The following AKAP19 variants were observed in gnomAD, a reference collection of about 807,000 sequenced individuals.
AKAP19 encodes A-kinase anchoring protein 19.
At chr2:190,171,233 T>TAA in the AKAP19 span, among the ~76,000 whole-genome samples, 1,523 of 147,152 alleles carry the variant, frequency 0.01, 23 homozygotes, top group African/African-American at 0.036. Context: ...GAAAAAAAGT[T>TAA]AAAAAAAAAA....
chr2:189,943,049 G>A, the AKAP19 span, among the ~76,000 whole-genome samples: 3 of 152,230 alleles, frequency 2.0e-5, no homozygotes, highest in Non-Finnish European at 4.4e-5. Context: ...CAAGCAGGCT[G>A]TGGAGCAACC....
chr2:190,074,005 G>C, the AKAP19 span, among the ~76,000 whole-genome samples: 2 of 150,250 alleles, frequency 1.3e-5, no homozygotes, highest in Non-Finnish European at 2.9e-5. Flanking sequence ...TTGTGCCACT[G>C]CACTTCAGCC....
At chr2:190,014,187 G>C in the AKAP19 span, among the ~76,000 whole-genome samples, 1 of 152,042 alleles carries the variant, frequency 6.6e-6, no homozygotes, top group Non-Finnish European at 1.5e-5. Flanking sequence ...TCCATTGGTT[G>C]TTGTATTAGT....
At chr2:190,196,012 T>C in the AKAP19 span, among the ~76,000 whole-genome samples, 1 of 149,800 alleles carries the variant, frequency 6.7e-6, no homozygotes, top group Non-Finnish European at 1.5e-5. Flanking sequence ...AGACTATGTA[T>C]GTGTGGTTTG....
the AKAP19 span, among the ~76,000 whole-genome samples, chr2:190,072,088 A>T: frequency 4.6e-5 from 7 of 152,232 alleles, no homozygotes; most frequent in African/African-American, 1.2e-4. Context: ...ATAAAAAAGA[A>T]CGAAATCATG....
the AKAP19 span, among the ~76,000 whole-genome samples, chr2:190,018,831 G>C: frequency 6.6e-6 from 1 of 152,114 alleles, no homozygotes; most frequent in Non-Finnish European, 1.5e-5. Flanking sequence ...ATTCTGGATG[G>C]GCCAGCTGAT....
chr2:190,066,801 A>G, the AKAP19 span, among the ~76,000 whole-genome samples: 1 of 152,182 alleles, frequency 6.6e-6, no homozygotes, highest in Non-Finnish European at 1.5e-5. Flanking sequence ...CAAACCCTTC[A>G]TTTATAAATG....
chr2:190,051,893 A>G, the AKAP19 span, among the ~76,000 whole-genome samples: 1 of 151,064 alleles, frequency 6.6e-6, no homozygotes, highest in African/African-American at 2.4e-5. Flanking sequence ...GCTGGAGTGC[A>G]GTGGCGCAAT....
the AKAP19 span, among the ~76,000 whole-genome samples, chr2:189,954,261 C>T: frequency 6.6e-6 from 1 of 152,174 alleles, no homozygotes; most frequent in Non-Finnish European, 1.5e-5. Flanking sequence ...GCATCCACAT[C>T]CTTACACAAT....
the AKAP19 span, among the ~76,000 whole-genome samples, chr2:189,896,042 C>T: frequency 6.6e-6 from 1 of 150,832 alleles, no homozygotes; most frequent in East Asian, 1.9e-4. Flanking sequence ...GCTAAAATTT[C>T]ATTTATGTAT....
At chr2:189,905,605 T>C in the AKAP19 span, among the ~76,000 whole-genome samples, 1 of 151,970 alleles carries the variant, frequency 6.6e-6, no homozygotes, top group South Asian at 2.1e-4. Flanking sequence ...TTATTTAGTA[T>C]GTTAAAAAAT....
the AKAP19 span, among the ~76,000 whole-genome samples, chr2:190,135,730 G>A: frequency 6.6e-6 from 1 of 152,144 alleles, no homozygotes; most frequent in Non-Finnish European, 1.5e-5. Flanking sequence ...AAGAAGTTGT[G>A]ATATTTAAAT....
chr2:189,988,041 G>T, the AKAP19 span, among the ~76,000 whole-genome samples: 11 of 152,232 alleles, frequency 7.2e-5, no homozygotes, highest in South Asian at 1.0e-3. Context: ...AGTGCTGATT[G>T]GTTGGCTCAG....
chr2:189,926,737 T>C, the AKAP19 span, among the ~76,000 whole-genome samples: 7 of 151,144 alleles, frequency 4.6e-5, no homozygotes, highest in Admixed American at 3.3e-4. Flanking sequence ...CCCGCCACCA[T>C]GCCCGGCTAA....
the AKAP19 span, among the ~76,000 whole-genome samples, chr2:190,037,672 T>C: frequency 6.6e-6 from 1 of 152,332 alleles, no homozygotes; most frequent in East Asian, 1.9e-4. Context: ...AATACCCAAG[T>C]TGCTCTTAAG....
the AKAP19 span, chr2:190,181,360 G>A: frequency 9.8e-4 from 157 of 159,744 alleles, 1 homozygote; most frequent in African/African-American, 3.7e-3. Flanking sequence ...CTCATTATGA[G>A]TTGCAATTCC....
chr2:189,914,716 A>AGATTGTTATT, the AKAP19 span, among the ~76,000 whole-genome samples: 2,797 of 152,214 alleles, frequency 0.018, 30 homozygotes, highest in Middle Eastern at 0.034. Context: ...CTATTAGCTA[A>AGATTGTTATT]GATTGTTATT....
chr2:190,051,135 T>C, the AKAP19 span, among the ~76,000 whole-genome samples: 4 of 152,340 alleles, frequency 2.6e-5, no homozygotes, highest in East Asian at 7.7e-4. Flanking sequence ...TTACATTATG[T>C]ATATACCCAT....
the AKAP19 span, among the ~76,000 whole-genome samples, chr2:190,040,074 T>C: frequency 1.3e-5 from 2 of 152,240 alleles, no homozygotes; most frequent in African/African-American, 4.8e-5. Flanking sequence ...GTAGTTGTGC[T>C]TTTAGCTCTT....
Sources: gnomAD v4.1 joint callset for allele counts (sites outside exome capture counted in the v4.1 genomes callset) on GRCh38, gnomAD v4.1.1 for gene constraint, MANE v1.5 for transcripts, NCBI Gene and HGNC (gene_info 2026-07-23, HGNC 2026-07-21) for gene names.